CCDC50: variants seen among roughly 807,000 people sequenced by gnomAD.
CCDC50 encodes the protein coiled-coil domain-containing protein 50.
A neutral mutation model predicts 70.2 loss-of-function variants in CCDC50; 54 were observed. That is an observed-to-expected ratio of 0.77 (90% confidence interval 0.62 to 0.96). The LOEUF (loss-of-function observed/expected upper bound fraction) is 0.96, where lower values mean the gene tolerates loss of function less well. CCDC50 is among the 50% of genes least tolerant of loss of function. The pLI is 0.00. For missense variants in CCDC50, 558 were observed against 578.7 expected (o/e 0.96, Z 0.37); for synonymous variants, 216 against 198.8 (o/e 1.09, Z -0.73).
intron 1 of CCDC50, among the ~76,000 whole-genome samples, chr3:191,342,472 G>A (rs892415391): frequency 3.9e-5 from 6 of 152,268 alleles, no homozygotes; most frequent in Middle Eastern, 3.4e-3. Flanking sequence ...AATAGAACTT[G>A]CAGTAGCTGG....
chr3:191,343,632 A>G (rs1264240328), intron 1 of CCDC50, among the ~76,000 whole-genome samples: 1 of 152,248 alleles, frequency 6.6e-6, no homozygotes, highest in African/African-American at 2.4e-5. Context: ...TAAAGCAACC[A>G]TGTAAAATGC....
rs1444789101 is a variant in CCDC50 at position 191,398,197 on chromosome 3, T to G, written c.*6437T>G. 1.3e-5 allele frequency: 2 copies of G among 152,198 alleles called. No homozygotes were observed. Among genetic ancestry groups the G allele is most frequent in the Non-Finnish European group, 2.9e-5 (2 of 68,018 alleles). 9.4% of individuals were successfully genotyped at this position (152,198 alleles called of 1,614,324 possible). A position where few individuals can be genotyped will look rare whatever the true frequency, so the allele number is the denominator to read the frequency against. On this transcript the variant is annotated 3_prime_UTR_variant, in exon 12 of 12. Transcript: ENST00000392455. ...CAAAACGCAAACCTCCTTTTTTAAA[T>G]GCCAATTGTACATCTACATTAATTC...
intron 10 of CCDC50, among the ~76,000 whole-genome samples, chr3:191,383,207 G>A (rs1248506869): frequency 6.6e-6 from 1 of 152,082 alleles, no homozygotes; most frequent in East Asian, 1.9e-4. Flanking sequence ...CATGCCATTT[G>A]CACATGCTCA....
Position 191,356,482 on chromosome 3 carries a change from G to T in CCDC50, c.50-606G>T, listed in dbSNP as rs115958511. On this transcript the variant is annotated intron_variant, in intron 1 of 11. Coordinates refer to ENST00000392455, the MANE Select transcript of CCDC50 (RefSeq NM_178335.3). ...AGCCCAAGGTTTAGAGGGACCTAGAGACCTAGTTCTAACTCATGTCCCTGG... is the reference window on the plus strand; with the variant it reads ...AGCCCAAGGTTTAGAGGGACCTAGATACCTAGTTCTAACTCATGTCCCTGG... Among the ~76,000 whole-genome samples the T allele has an allele frequency of 1.5e-3, 226 of 152,310 alleles. 1 individual carries two copies. Among genetic ancestry groups the T allele is most frequent in the African/African-American group, 5.1e-3 (211 of 41,564 alleles).
intron 1 of CCDC50, among the ~76,000 whole-genome samples, chr3:191,334,955 CTG>C (rs984431534): frequency 1.3e-5 from 2 of 152,134 alleles, no homozygotes; most frequent in Admixed American, 1.3e-4. Context: ...TCTTGCCTCA[CTG>C]TTTTTTCTAC....
chr3:191,364,392 T>C (rs6444541), intron 4 of CCDC50, among the ~76,000 whole-genome samples: 47,129 of 150,388 alleles, frequency 0.31, 7,403 homozygotes, highest in Non-Finnish European at 0.32. Context: ...TCCCCTTCCC[T>C]CTCAATGCTC....
At chr3:191,329,960 G>C (rs563568334) in intron 1 of CCDC50, among the ~76,000 whole-genome samples, 2 of 139,584 alleles carry the variant, frequency 1.4e-5, no homozygotes, top group Admixed American at 7.3e-5. Context: ...GGGGGGGCTA[G>C]CAGCAGCCCC....
At chr3:191,385,308 T>G (rs141226181) in intron 10 of CCDC50, among the ~76,000 whole-genome samples, 95 of 152,304 alleles carry the variant, frequency 6.2e-4, no homozygotes, top group African/African-American at 2.2e-3. Flanking sequence ...CCCCTTTCTC[T>G]GCATCCATGC....
At chr3:191,388,976 G>A (rs912393361) in intron 10 of CCDC50, among the ~76,000 whole-genome samples, 1 of 148,578 alleles carries the variant, frequency 6.7e-6, no homozygotes, top group Non-Finnish European at 1.5e-5. Context: ...GTATTACATA[G>A]AATTTGCAAA....
chr3:191,384,283 G>A (rs1048619209), intron 10 of CCDC50, among the ~76,000 whole-genome samples: 7 of 152,046 alleles, frequency 4.6e-5, no homozygotes, highest in Non-Finnish European at 8.8e-5. Context: ...TAGCAGGATT[G>A]TATATATGAC....
chr3:191,352,348 A>C, intron 1 of CCDC50, among the ~76,000 whole-genome samples: 1 of 141,512 alleles, frequency 7.1e-6, no homozygotes, highest in Non-Finnish European at 1.6e-5. Context: ...AAGGAAATGG[A>C]TGGGGGGTAT....
chr3:191,369,919 G>A lies in CCDC50; in HGVS notation c.331G>A (p.Asp111Asn). The A allele has an allele frequency of 6.2e-7, 1 of 1,606,676 alleles. No homozygotes were observed. ...RRRIQEKKDEDIARLLQEKEL... is the reference protein window; with the variant it reads ...RRRIQEKKDENIARLLQEKEL... Reference sequence around the variant, plus strand: ...TTCCATTCTCCTCTTGTCTTTGCAGGACATAGCTCGCCTTTTGCAAGAAAA... The same window carrying A: ...TTCCATTCTCCTCTTGTCTTTGCAGAACATAGCTCGCCTTTTGCAAGAAAA... The change falls in exon 5 of 12, where the codon GAC becomes AAC. Residue 111 changes from aspartate (D) to asparagine (N), a missense_variant and splice_region_variant. Transcript: ENST00000392455.
At position 191,380,185 on chromosome 3, in the gene CCDC50, G is replaced by A. The variant is rs727502917; in HGVS notation, c.1003G>A (p.Ala335Thr). Residue 335 changes from alanine to threonine, a missense_variant, in exon 7 of 12, where the codon GCT becomes ACT. Ala to Thr is a moderately conservative substitution (Grantham distance 58, BLOSUM62 0). Coordinates refer to ENST00000392455, the MANE Select transcript of CCDC50 (RefSeq NM_178335.3). Reference sequence around the variant, plus strand: ...AATGAAGCCAAGAGTGATGAAAGAAGCTGTATCTACTCCATCACGAATGGC... The same window carrying A: ...AATGAAGCCAAGAGTGATGAAAGAAACTGTATCTACTCCATCACGAATGGC... The part of the protein sequence containing the change: ...AGMKPRVMKE[A>T]VSTPSRMAHR... 3 of 1,598,950 alleles carry A rather than the reference G, an allele frequency of 1.9e-6. No individual in the cohort carries two copies. The African/African-American group carries it at 4.0e-5, about 22-fold the overall frequency.
intron 6 of CCDC50, among the ~76,000 whole-genome samples, chr3:191,378,624 C>T (rs754862361): frequency 2.6e-4 from 39 of 152,110 alleles, no homozygotes; most frequent in Admixed American, 3.9e-4. Flanking sequence ...AGTTCCTTAT[C>T]TAATTTCATT....
At chr3:191,351,017 G>A (rs1000980930) in intron 1 of CCDC50, among the ~76,000 whole-genome samples, 1 of 140,612 alleles carries the variant, frequency 7.1e-6, no homozygotes, top group African/African-American at 2.5e-5. Context: ...GGCAGGGGTT[G>A]GGAGGGGGCA....
At chr3:191,334,745 A>T (rs4677630) in intron 1 of CCDC50, among the ~76,000 whole-genome samples, 103,470 of 152,012 alleles carry the variant, frequency 0.68, 36,895 homozygotes, top group East Asian at 0.92. Context: ...TGTAGATGCG[A>T]AAGATTCATT....
chr3:191,386,216 ATTTTTTTTTTTTTTTT>A (rs76983981), intron 10 of CCDC50, among the ~76,000 whole-genome samples: 1 of 125,758 alleles, frequency 8.0e-6, no homozygotes, highest in East Asian at 2.8e-4. Flanking sequence ...TAGTATGGGC[ATTTTTTTTTTTTTTTT>A]TTTTTTTTTT....
Position 191,367,280 on chromosome 3 carries a change from G to C in CCDC50, c.331-2639G>C, listed in dbSNP as rs79543460. 5.8e-3 allele frequency among the ~76,000 whole-genome samples: 876 copies of C among 152,176 alleles called. 7 individuals carry two copies. Among genetic ancestry groups the C allele is most frequent in the African/African-American group, 0.019 (788 of 41,560 alleles). The stretch of plus-strand genomic sequence containing the variant: ...TCTCTCCTGGTTCTTTACACTGAGA[G>C]AGTGGCGTATTACTATGCTTCCATT... On this transcript the variant is annotated intron_variant, in intron 4 of 11. Transcript: ENST00000392455.
Position 191,397,622 on chromosome 3 carries a change from C to T in CCDC50, c.*5862C>T, listed in dbSNP as rs951309316. On this transcript the variant is annotated 3_prime_UTR_variant, in exon 12 of 12. Coordinates refer to ENST00000392455, the MANE Select transcript of CCDC50 (RefSeq NM_178335.3). ...GTTTGCTCATATAAATCAAGTTGCC[C>T]AGGAAACCTGAGGTGATGCTATCAT... 7.9e-5 allele frequency: 12 copies of T among 152,270 alleles called. No homozygotes were observed. The highest frequency in any genetic ancestry group is 2.2e-4 in the African/African-American group (9 of 41,544). 9.4% of individuals were successfully genotyped at this position (152,270 alleles called of 1,614,324 possible).
Sources: gnomAD v4.1 joint callset for allele counts (sites outside exome capture counted in the v4.1 genomes callset) on GRCh38, gnomAD v4.1.1 for gene constraint, MANE v1.5 for transcripts, NCBI Gene and HGNC (gene_info 2026-07-23, HGNC 2026-07-21) for gene names.